Variants in FRMD6 observed in about 807,000 individuals in gnomAD.
FRMD6 encodes FERM domain-containing protein 6.
Under a neutral mutation model 73.2 loss-of-function variants are expected in FRMD6, and 37 were observed. The ratio of observed to expected loss-of-function variants is 0.51; its 90% CI spans 0.39 to 0.66. FRMD6 has a LOEUF of 0.66. Ranked by LOEUF, FRMD6 falls within the 30% of genes least tolerant of loss-of-function variation. FRMD6 has a pLI of 0.00. For missense variants in FRMD6, 714 were observed against 780.5 expected (o/e 0.91, Z 1.02); for synonymous variants, 273 against 282.2 (o/e 0.97, Z 0.33).
chr14:51,517,278 A>T (rs1452498971), intron 1 of FRMD6, among the ~76,000 whole-genome samples: 4 of 151,904 alleles, frequency 2.6e-5, no homozygotes, highest in Non-Finnish European at 5.9e-5. Flanking sequence ...ACGAGTCTGT[A>T]TCTCTCCCCT....
At chr14:51,626,268 A>G (rs540243155) in intron 2 of FRMD6, among the ~76,000 whole-genome samples, 2 of 152,252 alleles carry the variant, frequency 1.3e-5, no homozygotes, top group Non-Finnish European at 2.9e-5. Context: ...AACAAGGTCC[A>G]TGTCTTATTT....
At chr14:51,651,673 G>T (rs1295906145), upstream of FRMD6, 1 of 148,230 alleles carries the variant, frequency 6.7e-6, no homozygotes, top group Non-Finnish European at 1.5e-5. Flanking sequence ...CCAAGTGGCC[G>T]CACCCCTCCG....
the FRMD6 span, among the ~76,000 whole-genome samples, chr14:51,449,328 T>A: frequency 6.6e-6 from 1 of 152,170 alleles, no homozygotes; most frequent in Non-Finnish European, 1.5e-5. Flanking sequence ...TGAAAATCAG[T>A]CTTCAGGGTA....
chr14:51,446,112 AG>A, the FRMD6 span, among the ~76,000 whole-genome samples: 1 of 152,184 alleles, frequency 6.6e-6, no homozygotes, highest in Non-Finnish European at 1.5e-5. Context: ...ACTGTCTTGC[AG>A]AAATTAGTTG....
chr14:51,514,183 C>G (rs1289514609), intron 1 of FRMD6, among the ~76,000 whole-genome samples: 1 of 152,190 alleles, frequency 6.6e-6, no homozygotes, highest in African/African-American at 2.4e-5. Context: ...CCAACAGACT[C>G]TCAGGCAGGA....
intron 2 of FRMD6, among the ~76,000 whole-genome samples, chr14:51,619,991 G>T (rs1003881962): frequency 1.3e-5 from 2 of 152,166 alleles, no homozygotes; most frequent in Middle Eastern, 3.2e-3. Flanking sequence ...TTTCAGAGGT[G>T]ACCAGCAAAT....
chr14:51,625,627 C>A (rs1891087086), intron 2 of FRMD6, among the ~76,000 whole-genome samples: 1 of 152,168 alleles, frequency 6.6e-6, no homozygotes, highest in Non-Finnish European at 1.5e-5. Context: ...AATCTTTCTG[C>A]TCCCGAGCAC....
chr14:51,663,955 C>G (rs1444703708), intron 1 of FRMD6, among the ~76,000 whole-genome samples: 1 of 152,124 alleles, frequency 6.6e-6, no homozygotes, highest in African/African-American at 2.4e-5. Context: ...AGGACTTGAC[C>G]CTTATGACTC....
chr14:51,543,503 T>C (rs1029115997), intron 1 of FRMD6, among the ~76,000 whole-genome samples: 6 of 152,050 alleles, frequency 3.9e-5, no homozygotes, highest in African/African-American at 1.4e-4. Flanking sequence ...ATAATCTGTT[T>C]GCATTTCACA....
intron 11 of FRMD6, among the ~76,000 whole-genome samples, chr14:51,721,185 C>T (rs990314146): frequency 2.0e-5 from 3 of 152,164 alleles, no homozygotes; most frequent in African/African-American, 7.2e-5. Flanking sequence ...TGGTATCAGG[C>T]AAAGGGCCCA....
intron 1 of FRMD6, among the ~76,000 whole-genome samples, chr14:51,510,372 C>T (rs1884228220): frequency 6.6e-6 from 1 of 152,212 alleles, no homozygotes; most frequent in African/African-American, 2.4e-5. Flanking sequence ...CTGAGTTCAC[C>T]TGTTCATGCC....
chr14:51,654,630 A>G (rs1892694392), intron 1 of FRMD6, among the ~76,000 whole-genome samples: 1 of 151,746 alleles, frequency 6.6e-6, no homozygotes, highest in Non-Finnish European at 1.5e-5. Context: ...ATTTTATTAC[A>G]TGAAAGCCAG....
At chr14:51,454,921 G>C in the FRMD6 span, 1 of 152,178 alleles carries the variant, frequency 6.6e-6, no homozygotes, top group Non-Finnish European at 1.5e-5. Flanking sequence ...CCCATGAATT[G>C]AGCAAAGACA....
chr14:51,472,494 A>G, the FRMD6 span, among the ~76,000 whole-genome samples: 257 of 152,202 alleles, frequency 1.7e-3, no homozygotes, highest in Non-Finnish European at 1.8e-3. Flanking sequence ...TAGTAGAGAC[A>G]GAGTTTCACC....
At chr14:51,412,515 A>C in the FRMD6 span, among the ~76,000 whole-genome samples, 4 of 152,150 alleles carry the variant, frequency 2.6e-5, no homozygotes, top group Admixed American at 6.5e-5. Context: ...ACAGTCATTC[A>C]TGCTTTTGTC....
chr14:51,645,425 G>C (rs1892019627), intron 2 of FRMD6, among the ~76,000 whole-genome samples: 1 of 151,994 alleles, frequency 6.6e-6, no homozygotes, highest in Non-Finnish European at 1.5e-5. Flanking sequence ...AGAGCTAGGA[G>C]AGCCTTTTTT....
intron 1 of FRMD6, among the ~76,000 whole-genome samples, chr14:51,512,124 A>C (rs1411387340): frequency 1.3e-5 from 2 of 152,206 alleles, no homozygotes; most frequent in Admixed American, 6.5e-5. Context: ...TGATGAGCTC[A>C]GTCACTGAAG....
At chr14:51,677,134 G>A (rs1894445945) in intron 1 of FRMD6, among the ~76,000 whole-genome samples, 1 of 151,884 alleles carries the variant, frequency 6.6e-6, no homozygotes, top group Non-Finnish European at 1.5e-5. Flanking sequence ...TGTTGTCAGT[G>A]GGCCTTTGCG....
chr14:51,564,400 CT>C (rs1887662584), intron 1 of FRMD6, among the ~76,000 whole-genome samples: 1 of 151,986 alleles, frequency 6.6e-6, no homozygotes, highest in South Asian at 2.1e-4. Context: ...ACCAAAATCT[CT>C]TTTTTAAAAG....
Sources: gnomAD v4.1 joint callset for allele counts (sites outside exome capture counted in the v4.1 genomes callset) on GRCh38, gnomAD v4.1.1 for gene constraint, MANE v1.5 for transcripts, NCBI Gene and HGNC (gene_info 2026-07-23, HGNC 2026-07-21) for gene names.